TBC1D8: variants seen among roughly 807,000 people sequenced by gnomAD.
TBC1D8 encodes the protein TBC1 domain family member 8.
TBC1D8 carries 65 observed loss-of-function variants against 118.8 expected under a neutral mutation model. The observed-to-expected ratio is 0.55, with a 90% CI of 0.45 to 0.67. The LOEUF is 0.67. Ranked by LOEUF, TBC1D8 falls within the 30% of genes least tolerant of loss-of-function variation. The pLI is 0.00. For synonymous variants in TBC1D8, 566 were observed against 595.8 expected, an observed-to-expected ratio of 0.95 and a Z score of 0.73; for missense variants, 1,376 against 1,471.2, an observed-to-expected ratio of 0.94 and a Z score of 1.06.
chr2:101,009,556 G>A (rs1679032398), intron 19 of TBC1D8, among the ~76,000 whole-genome samples: 1 of 151,984 alleles, frequency 6.6e-6, no homozygotes, highest in African/African-American at 2.4e-5. Context: ...AAAAGGTTAT[G>A]TGTATCAGAA....
intron 1 of TBC1D8, among the ~76,000 whole-genome samples, chr2:101,091,499 A>T (rs1676030384): frequency 6.6e-6 from 1 of 152,128 alleles, no homozygotes; most frequent in Non-Finnish European, 1.5e-5. Context: ...TCCAAGGCAG[A>T]TGATCGCTTC....
At chr2:101,035,167 A>G (rs1197857527) in intron 9 of TBC1D8, among the ~76,000 whole-genome samples, 1 of 152,114 alleles carries the variant, frequency 6.6e-6, no homozygotes, top group African/African-American at 2.4e-5. Flanking sequence ...CCCAGCCTCC[A>G]GGCGCCTCCC....
chr2:101,044,470 A>G (rs1345031904), intron 5 of TBC1D8, among the ~76,000 whole-genome samples: 2 of 152,230 alleles, frequency 1.3e-5, no homozygotes, highest in African/African-American at 4.8e-5. Context: ...AACACCATCA[A>G]CAACAAAGCC....
chr2:101,096,796 G>GGA (rs139584234), intron 1 of TBC1D8, among the ~76,000 whole-genome samples: 23,271 of 146,284 alleles, frequency 0.16, 1,847 homozygotes, highest in Middle Eastern at 0.24. Flanking sequence ...AGAGAGAGGG[G>GGA]GAGAGAGAGA....
In TBC1D8 at chr2:101,076,593, G is replaced by C. The variant is rs76825870; in HGVS notation, c.283+13616C>G. Among the ~76,000 whole-genome samples the C allele has an allele frequency of 6.8e-3, 1,029 of 152,322 alleles. 12 individuals carry two copies. The highest frequency in any genetic ancestry group is 0.024 in the African/African-American group (996 of 41,552). On this transcript the variant is annotated intron_variant, in intron 2 of 19. Transcript: ENST00000409318. ...CCTGAGGGAGAAAACAGACTGTGCA[G>C]CCAGCAGGATATTCCACATAAAAAT... is the stretch of plus-strand genomic sequence containing the variant.
chr2:101,022,685 A>C (rs550588113), intron 15 of TBC1D8, among the ~76,000 whole-genome samples, 164 bp from the exon 16 acceptor site: 80 of 152,320 alleles, frequency 5.3e-4, no homozygotes, highest in African/African-American at 1.9e-3. Context: ...TGAACATGTA[A>C]TTTTCACGTT....
intron 2 of TBC1D8, among the ~76,000 whole-genome samples, chr2:101,059,948 A>C (rs1181488036): frequency 6.6e-6 from 1 of 152,194 alleles, no homozygotes; most frequent in African/African-American, 2.4e-5. Context: ...CAAAAAAAAA[A>C]AAATCTTGCC....
At chr2:101,033,428 G>A (rs767387477) in intron 10 of TBC1D8, 116 bp downstream of exon 10, 34 of 1,224,556 alleles carry the variant, frequency 2.8e-5, no homozygotes, top group South Asian at 8.9e-5. Flanking sequence ...CGAGTACAGC[G>A]CCTTCACACG....
At chr2:101,040,492 C>T in intron 5 of TBC1D8, 107 bp from the exon 6 acceptor site, 1 of 1,177,400 alleles carries the variant, frequency 8.5e-7, no homozygotes, top group Non-Finnish European at 1.2e-6. Flanking sequence ...ATTTTTGAGA[C>T]AGAGTCTCGC....
intron 3 of TBC1D8, among the ~76,000 whole-genome samples, chr2:101,055,375 T>C (rs529595340): frequency 2.0e-4 from 30 of 148,718 alleles, no homozygotes; most frequent in African/African-American, 7.4e-4. Flanking sequence ...GATGACAGAG[T>C]CCTCAAAAAA....
In TBC1D8 at chr2:101,007,238, A is replaced by C. The variant is rs1243735829; in HGVS notation, c.*583T>G. ...AAGAAAAGGACCAAGTAAATACAAA[A>C]AGTTTCTTATTAAAAAACTTGGAAG... On this transcript the variant is annotated 3_prime_UTR_variant, in exon 20 of 20. Coordinates refer to ENST00000409318, the MANE Select transcript of TBC1D8 (RefSeq NM_001330348.2). The C allele has an allele frequency of 6.6e-6, 1 of 152,392 alleles. No homozygotes were observed. The highest frequency in any genetic ancestry group is 1.5e-5 in the Non-Finnish European group (1 of 68,174). 9.4% of individuals were successfully genotyped at this position (152,392 alleles called of 1,614,324 possible). A position where few individuals can be genotyped will look rare whatever the true frequency, so the allele number is the denominator to read the frequency against.
intron 2 of TBC1D8, among the ~76,000 whole-genome samples, chr2:101,075,799 A>G (rs894692578): frequency 6.6e-6 from 1 of 152,170 alleles, no homozygotes; most frequent in Non-Finnish European, 1.5e-5. Context: ...CGGACTACAA[A>G]TGGGCTCTAA....
chr2:101,128,714 T>A (rs1678458722), intron 1 of TBC1D8, among the ~76,000 whole-genome samples: 1 of 152,084 alleles, frequency 6.6e-6, no homozygotes, highest in Admixed American at 6.6e-5. Flanking sequence ...AATAAATGAA[T>A]GAATTCTTTA....
At chr2:101,035,557 T>C (rs1361226607) in intron 9 of TBC1D8, among the ~76,000 whole-genome samples, 1 of 152,124 alleles carries the variant, frequency 6.6e-6, no homozygotes, top group East Asian at 1.9e-4. Flanking sequence ...CACTTTTGCC[T>C]CTGGTGCCCG....
chr2:101,097,210 T>A (rs528694878), intron 1 of TBC1D8, among the ~76,000 whole-genome samples: 60 of 152,156 alleles, frequency 3.9e-4, no homozygotes, highest in African/African-American at 1.4e-3. Flanking sequence ...TAGAATTCTA[T>A]ATCCAGTGAA....
Position 101,021,688 on chromosome 2 carries a change from G to A in TBC1D8, c.2820C>T (p.Ile940=), listed in dbSNP as rs556634970. ...EKIKLLYRLH[I]PPALTENDRD... Reference sequence around the variant, plus strand: ...CTACTTGGACTTTCTTACCTGGAGGGATATGAAGCCTGTATAATAGTTTAA... The same window carrying A: ...CTACTTGGACTTTCTTACCTGGAGGAATATGAAGCCTGTATAATAGTTTAA... The change falls in exon 17 of 20, where the codon ATC becomes ATT. Residue 940 remains isoleucine (I), a synonymous_variant. Coordinates refer to ENST00000409318, the MANE Select transcript of TBC1D8 (RefSeq NM_001330348.2). 1.3e-6 allele frequency: 2 copies of A among 1,597,682 alleles called. No individual in the cohort carries two copies. The highest frequency in any genetic ancestry group is 1.7e-5 in the Admixed American group (1 of 58,902).
At chr2:101,122,382 T>TA (rs1678158454) in intron 1 of TBC1D8, among the ~76,000 whole-genome samples, 2 of 22,826 alleles carry the variant, frequency 8.8e-5, no homozygotes, top group Admixed American at 9.6e-4. Flanking sequence ...AGACTCCATT[T>TA]CAAAAAAAAA....
chr2:101,013,393 A>G (rs1181088417), intron 17 of TBC1D8, among the ~76,000 whole-genome samples: 1 of 152,242 alleles, frequency 6.6e-6, no homozygotes, highest in Non-Finnish European at 1.5e-5. Flanking sequence ...CTGTTTAAAC[A>G]TGACCTTATT....
intron 2 of TBC1D8, among the ~76,000 whole-genome samples, chr2:101,075,168 G>A (rs995428815): frequency 3.3e-5 from 5 of 152,200 alleles, no homozygotes; most frequent in African/African-American, 2.4e-5. Flanking sequence ...AGGCCAAGGC[G>A]GGCAGATCAC....
Sources: gnomAD v4.1 joint callset for allele counts (sites outside exome capture counted in the v4.1 genomes callset) on GRCh38, gnomAD v4.1.1 for gene constraint, MANE v1.5 for transcripts, NCBI Gene and HGNC (gene_info 2026-07-23, HGNC 2026-07-21) for gene names.